The following CWF19L2 variants were observed in gnomAD, a reference collection of about 807,000 sequenced individuals.
CWF19L2 encodes the protein CWF19 like cell cycle control factor 2, also known as CWF19-like protein 2.
A neutral mutation model predicts 111.7 loss-of-function variants in CWF19L2; 98 were observed. The observed-to-expected ratio is 0.88, with a 90% CI of 0.75 to 1.04. The LOEUF (loss-of-function observed/expected upper bound fraction) is 1.04. CWF19L2 is among the 50% of genes least tolerant of loss of function. CWF19L2 has a pLI of 0.00. For missense variants in CWF19L2, 1,101 were observed against 1,051.4 expected, an observed-to-expected ratio of 1.05 and a Z score of -0.65; for synonymous variants, 351 against 342.9, an observed-to-expected ratio of 1.02 and a Z score of -0.26.
chr11:107,415,274 T>C (rs588921), intron 10 of CWF19L2, among the ~76,000 whole-genome samples: 116,331 of 152,070 alleles, frequency 0.76, 44,826 homozygotes, highest in African/African-American at 0.85. Context: ...CACTCTTCCA[T>C]TAACTACAAG....
intron 12 of CWF19L2, among the ~76,000 whole-genome samples, chr11:107,387,290 T>G (rs1288218348): frequency 6.6e-6 from 1 of 152,070 alleles, no homozygotes; most frequent in Non-Finnish European, 1.5e-5. Flanking sequence ...GTTTTACCAC[T>G]GTAATCCATC....
intron 10 of CWF19L2, among the ~76,000 whole-genome samples, chr11:107,414,860 C>T (rs1861203720): frequency 1.3e-5 from 2 of 152,104 alleles, no homozygotes; most frequent in African/African-American, 2.4e-5. Context: ...CACTTCTAAC[C>T]ATCTCCATAG....
chr11:107,361,515 G>A (rs1288700665), intron 12 of CWF19L2, among the ~76,000 whole-genome samples: 10 of 152,120 alleles, frequency 6.6e-5, no homozygotes. Flanking sequence ...TGTGAAAAAT[G>A]CTGTTGGTAT....
chr11:107,441,698 C>T, intron 4 of CWF19L2, 76 bp from the exon 5 acceptor site: 1 of 1,355,554 alleles, frequency 7.4e-7, no homozygotes, highest in Non-Finnish European at 9.5e-7. Context: ...ATTTAATAAA[C>T]ACTTGGTAAT....
chr11:107,361,514 T>G (rs181083497), intron 12 of CWF19L2, among the ~76,000 whole-genome samples: 1 of 152,170 alleles, frequency 6.6e-6, no homozygotes, highest in African/African-American at 2.4e-5. Flanking sequence ...CTGTGAAAAA[T>G]GCTGTTGGTA....
intron 10 of CWF19L2, among the ~76,000 whole-genome samples, chr11:107,415,695 A>G (rs11212213): frequency 0.04 from 6,146 of 152,302 alleles, 154 homozygotes; most frequent in East Asian, 0.11. Flanking sequence ...TTTCCACCAG[A>G]GCACACTGAT....
intron 14 of CWF19L2, among the ~76,000 whole-genome samples, chr11:107,340,544 T>A (rs1269672662): frequency 6.6e-6 from 1 of 152,240 alleles, no homozygotes; most frequent in Admixed American, 6.5e-5. Context: ...TCCACCAATA[T>A]CACATAGTCT....
intron 11 of CWF19L2, 98 bp downstream of exon 11, chr11:107,392,681 G>GCCA: frequency 1.6e-6 from 1 of 642,942 alleles, no homozygotes; most frequent in Non-Finnish European, 2.5e-6. Context: ...GCATTCAAAA[G>GCCA]CCACATTTCA....
chr11:107,335,075 C>T (rs1859902974), intron 15 of CWF19L2, 114 bp from the exon 16 acceptor site: 5 of 675,892 alleles, frequency 7.4e-6, no homozygotes, highest in South Asian at 7.3e-5. Context: ...CATAGTAAGC[C>T]ATTATTCTGA....
chr11:107,380,367 A>G (rs1049521128), intron 12 of CWF19L2, among the ~76,000 whole-genome samples: 1 of 152,162 alleles, frequency 6.6e-6, no homozygotes, highest in Non-Finnish European at 1.5e-5. Flanking sequence ...TATAAACTTC[A>G]TATCATTTTG....
At chr11:107,423,243 C>G (rs1861326505) in intron 8 of CWF19L2, among the ~76,000 whole-genome samples, 1 of 151,972 alleles carries the variant, frequency 6.6e-6, no homozygotes. Flanking sequence ...AATCATATCT[C>G]TCTTTTACTT....
intron 11 of CWF19L2, among the ~76,000 whole-genome samples, chr11:107,391,490 G>C (rs751708336): frequency 3.3e-5 from 5 of 152,134 alleles, no homozygotes; most frequent in Non-Finnish European, 5.9e-5. Flanking sequence ...TGTTACAGTA[G>C]CCTGAACTAA....
chr11:107,432,560 G>A (rs139179497), intron 7 of CWF19L2, among the ~76,000 whole-genome samples: 161 of 152,312 alleles, frequency 1.1e-3, no homozygotes, highest in Admixed American at 2.9e-3. Flanking sequence ...TCCAGCCTGG[G>A]TGACAGAGCA....
At chr11:107,457,562 G>C (rs922118188) in intron 1 of CWF19L2, 150 bp downstream of exon 1, 1 of 586,786 alleles carries the variant, frequency 1.7e-6, no homozygotes, top group Non-Finnish European at 3.0e-6. Flanking sequence ...AGCTACAAAA[G>C]GGTTTACCGG....
At chr11:107,371,624 A>T (rs1163001719) in intron 12 of CWF19L2, among the ~76,000 whole-genome samples, 1 of 138,064 alleles carries the variant, frequency 7.2e-6, no homozygotes, top group Non-Finnish European at 1.6e-5. Context: ...AAAGAATATC[A>T]TCATTTTTGA....
At chr11:107,352,148 G>C (rs1253444080) in intron 13 of CWF19L2, among the ~76,000 whole-genome samples, 1 of 152,112 alleles carries the variant, frequency 6.6e-6, no homozygotes, top group East Asian at 1.9e-4. Context: ...GTCTTTGCTT[G>C]TATTGTCCTG....
At chr11:107,391,774 T>G (rs628513) in intron 11 of CWF19L2, among the ~76,000 whole-genome samples, 125,670 of 152,054 alleles carry the variant, frequency 0.83, 52,503 homozygotes, top group African/African-American at 0.95. Context: ...TATTATTCTT[T>G]TCTTTACTAG....
intron 8 of CWF19L2, among the ~76,000 whole-genome samples, chr11:107,420,797 T>C (rs12275816): frequency 6.6e-6 from 1 of 152,066 alleles, no homozygotes; most frequent in Non-Finnish European, 1.5e-5. Flanking sequence ...GACGGTGGTA[T>C]CTCTTGCAGA....
chr11:107,326,830 AG>A lies in CWF19L2; in HGVS notation c.*79del, dbSNP rs1859767757. On this transcript the variant is annotated 3_prime_UTR_variant, in exon 18 of 18. Transcript: ENST00000282251. ...TGTGACTCTCTCTGCCTGTGACCTGAGGGTCAGTTGCTTCATTAGATGCAAT... is the reference window on the plus strand; with the variant it reads ...TGTGACTCTCTCTGCCTGTGACCTGAGGTCAGTTGCTTCATTAGATGCAAT... 1 of 1,216,604 alleles carries A rather than the reference AG, an allele frequency of 8.2e-7. No homozygotes were observed. Among genetic ancestry groups the A allele is most frequent in the Non-Finnish European group, 1.1e-6 (1 of 873,656 alleles). The allele number at this position is 1,216,604 out of a possible 1,614,324, so 75.4% of individuals were successfully genotyped here. A position where few individuals can be genotyped will look rare whatever the true frequency, so the allele number is the denominator to read the frequency against.
Sources: gnomAD v4.1 joint callset for allele counts (sites outside exome capture counted in the v4.1 genomes callset) on GRCh38, gnomAD v4.1.1 for gene constraint, MANE v1.5 for transcripts, NCBI Gene and HGNC (gene_info 2026-07-23, HGNC 2026-07-21) for gene names.